The following KCNMA1 variants were observed in gnomAD, a reference collection of about 807,000 sequenced individuals.
The protein encoded by KCNMA1 is Calcium-activated potassium channel subunit alpha-1.
KCNMA1 carries 29 observed loss-of-function variants against 140.0 expected under a neutral mutation model. The ratio of observed to expected loss-of-function variants is 0.21; its 90% CI spans 0.15 to 0.28. KCNMA1 has a LOEUF of 0.28. KCNMA1 is among the 10% of genes least tolerant of loss of function. The pLI, the probability that KCNMA1 is intolerant of heterozygous loss-of-function variation, is 1.00. For missense variants in KCNMA1, 880 were observed against 1,602.2 expected (o/e 0.55, Z 7.70); for synonymous variants, 612 against 611.9 (o/e 1.00, Z 0.00).
chr10:77,118,319 G>A (rs2097527385), intron 6 of KCNMA1, among the ~76,000 whole-genome samples: 1 of 152,070 alleles, frequency 6.6e-6, no homozygotes, highest in African/African-American at 2.4e-5. Context: ...AGAACTTTGG[G>A]ATCCACACTT....
intron 1 of KCNMA1, among the ~76,000 whole-genome samples, chr10:77,451,127 G>A (rs914959494): frequency 2.0e-5 from 3 of 152,152 alleles, no homozygotes; most frequent in Non-Finnish European, 4.4e-5. Flanking sequence ...CTAGCAGCAT[G>A]AGAACAGAAT....
chr10:77,625,370 G>C (rs1355355222), intron 1 of KCNMA1, among the ~76,000 whole-genome samples: 2 of 151,896 alleles, frequency 1.3e-5, no homozygotes, highest in Non-Finnish European at 2.9e-5. Flanking sequence ...GACAGAGCGA[G>C]ACTCTGCCAA....
chr10:77,598,874 C>T (rs1021009196), intron 1 of KCNMA1, among the ~76,000 whole-genome samples: 8 of 152,250 alleles, frequency 5.3e-5, no homozygotes, highest in Admixed American at 5.2e-4. Context: ...TCCCACCCAG[C>T]TCAGCTGGTA....
At position 77,013,596 on chromosome 10, in the gene KCNMA1, T is replaced by A. The variant is rs919078808; in HGVS notation, c.2016-1553A>T. On this transcript the variant is annotated intron_variant, in intron 17 of 27. Transcript: ENST00000286628. ...TTCCTTTGGCCATTTTCCCTCCCCC[T>A]TTGTTGCTCTTAACACATAATGATA... 2.0e-5 allele frequency among the ~76,000 whole-genome samples: 3 copies of A among 152,172 alleles called. No homozygotes were observed. The East Asian group carries it at 5.8e-4, about 29-fold the overall frequency.
chr10:77,005,029 T>C (rs2087921357), intron 18 of KCNMA1, among the ~76,000 whole-genome samples: 1 of 152,200 alleles, frequency 6.6e-6, no homozygotes. Context: ...TAATTTTCTT[T>C]CTTACGTAGT....
chr10:77,368,640 T>G (rs2094504221), intron 2 of KCNMA1, among the ~76,000 whole-genome samples: 1 of 152,270 alleles, frequency 6.6e-6, no homozygotes, highest in African/African-American at 2.4e-5. Flanking sequence ...TTCTCCTATG[T>G]GTTTTTATCA....
chr10:77,551,763 G>C (rs2062907220), intron 1 of KCNMA1, among the ~76,000 whole-genome samples: 1 of 152,162 alleles, frequency 6.6e-6, no homozygotes, highest in Non-Finnish European at 1.5e-5. Flanking sequence ...AGCTTGCTGG[G>C]AAGACTGAGA....
Position 77,247,819 on chromosome 10 carries a change from G to C in KCNMA1, c.602+3376C>G, listed in dbSNP as rs773131703. Among the ~76,000 whole-genome samples, 17 of 152,038 alleles carry C rather than the reference G, an allele frequency of 1.1e-4. 1 individual carries two copies. Among genetic ancestry groups the C allele is most frequent in the Admixed American group, 7.2e-4 (11 of 15,248 alleles). On this transcript the variant is annotated intron_variant, in intron 3 of 27. Coordinates refer to ENST00000286628, the MANE Select transcript of KCNMA1 (RefSeq NM_001161352.2). ...TCCTCTGCTTGGGTGTTTCTAGAGA[G>C]TCTACTGCTGGGATGATAAAGCATA...
chr10:77,059,158 T>C (rs1354462330), intron 14 of KCNMA1, among the ~76,000 whole-genome samples: 1 of 152,038 alleles, frequency 6.6e-6, no homozygotes, highest in Non-Finnish European at 1.5e-5. Context: ...CAAGATTAAC[T>C]ATTTAACCTG....
chr10:77,074,469 G>A (rs1251555298), intron 13 of KCNMA1, among the ~76,000 whole-genome samples: 2 of 152,202 alleles, frequency 1.3e-5, no homozygotes, highest in Non-Finnish European at 2.9e-5. Flanking sequence ...AAGATCTTTT[G>A]AGGAACAGTT....
At chr10:77,301,601 A>G (rs1229900062) in intron 2 of KCNMA1, among the ~76,000 whole-genome samples, 1 of 151,982 alleles carries the variant, frequency 6.6e-6, no homozygotes, top group Non-Finnish European at 1.5e-5. Flanking sequence ...TCATAGATAC[A>G]GTCCATCAAA....
intron 19 of KCNMA1, among the ~76,000 whole-genome samples, chr10:76,981,927 G>A (rs574481230): frequency 2.0e-5 from 3 of 152,250 alleles, no homozygotes; most frequent in Non-Finnish European, 2.9e-5. Context: ...CTACAGAGGC[G>A]ATGTTGCAAA....
intron 2 of KCNMA1, among the ~76,000 whole-genome samples, chr10:77,315,174 G>GC (rs754858875): frequency 1.1e-4 from 17 of 152,116 alleles, no homozygotes; most frequent in Non-Finnish European, 2.2e-4. Context: ...TTCACACCAA[G>GC]CCCATTTCTT....
At chr10:76,877,977 G>A (rs2032766869) in intron 29 of KCNMA1, 2 of 1,336,314 alleles carry the variant, frequency 1.5e-6, no homozygotes, top group Non-Finnish European at 2.1e-6. Context: ...AAAGTTCATT[G>A]AAAAACGCAA....
intron 23 of KCNMA1, among the ~76,000 whole-genome samples, chr10:76,941,928 G>T (rs76480967): frequency 0.027 from 4,082 of 152,156 alleles, 137 homozygotes; most frequent in African/African-American, 0.08. Flanking sequence ...GAAGGGACGA[G>T]GGGTCTCTCT....
At chr10:77,270,557 T>A (rs1421289313) in intron 2 of KCNMA1, among the ~76,000 whole-genome samples, 5 of 151,530 alleles carry the variant, frequency 3.3e-5, no homozygotes, top group African/African-American at 1.2e-4. Flanking sequence ...GGTCTTGCTC[T>A]GTTGCCCAGG....
chr10:77,004,438 ATC>A lies in KCNMA1; in HGVS notation c.2093-2860_2093-2859del, dbSNP rs773627598. Among the ~76,000 whole-genome samples the A allele has an allele frequency of 3.9e-5, 6 of 152,284 alleles. No homozygotes were observed. The East Asian group carries it at 1.2e-3, about 29-fold the overall frequency. On this transcript the variant is annotated intron_variant, in intron 18 of 27. Coordinates refer to ENST00000286628, the MANE Select transcript of KCNMA1 (RefSeq NM_001161352.2). The stretch of plus-strand genomic sequence containing the variant: ...CATTTCCATTGACTCCCTGTCAGGT[ATC>A]TTCACCTAGAGACTTCTGGGTCCAC...
chr10:76,882,368 A>C (rs978936580), downstream of KCNMA1, among the ~76,000 whole-genome samples: 2 of 152,172 alleles, frequency 1.3e-5, no homozygotes, highest in African/African-American at 4.8e-5. Flanking sequence ...ACCGTGGAGA[A>C]CAGTAAGGGC....
intron 2 of KCNMA1, among the ~76,000 whole-genome samples, chr10:77,387,900 G>A (rs1181576662): frequency 1.3e-5 from 2 of 152,180 alleles, no homozygotes; most frequent in Non-Finnish European, 2.9e-5. Flanking sequence ...TTACAGACGT[G>A]AGCCACTGCA....
Sources: gnomAD v4.1 joint callset for allele counts (sites outside exome capture counted in the v4.1 genomes callset) on GRCh38, gnomAD v4.1.1 for gene constraint, MANE v1.5 for transcripts, NCBI Gene and HGNC (gene_info 2026-07-23, HGNC 2026-07-21) for gene names.